The following COL11A1 variants were observed in gnomAD, a reference collection of about 807,000 sequenced individuals.
COL11A1 encodes collagen alpha-1(XI) chain.
COL11A1 carries 74 observed loss-of-function variants against 265.2 expected under a neutral mutation model. The ratio of observed to expected loss-of-function variants is 0.28; its 90% CI spans 0.23 to 0.34. The LOEUF is 0.34. COL11A1 is among the 10% of genes least tolerant of loss of function. COL11A1 has a pLI of 1.00. For missense variants in COL11A1, 2,165 were observed against 2,263.6 expected, an observed-to-expected ratio of 0.96 and a Z score of 0.88; for synonymous variants, 816 against 727.6, an observed-to-expected ratio of 1.12 and a Z score of -1.96.
At chr1:102,981,005 T>C (rs945691808) in intron 31 of COL11A1, among the ~76,000 whole-genome samples, 2 of 152,144 alleles carry the variant, frequency 1.3e-5, no homozygotes, top group Non-Finnish European at 2.9e-5. Flanking sequence ...TACACACTTA[T>C]CAGGAAGGTA....
At chr1:103,037,273 T>C (rs1452833544) in intron 4 of COL11A1, among the ~76,000 whole-genome samples, 2 of 151,620 alleles carry the variant, frequency 1.3e-5, no homozygotes, top group African/African-American at 4.8e-5. Context: ...TGTGTGTGTG[T>C]GTGTGTGTGT....
At chr1:102,941,224 T>C (rs1658687041) in intron 42 of COL11A1, among the ~76,000 whole-genome samples, 1 of 152,122 alleles carries the variant, frequency 6.6e-6, no homozygotes, top group Non-Finnish European at 1.5e-5. Context: ...ACATTTTATC[T>C]CCTAATTATC....
chr1:102,974,830 A>G lies in COL11A1; in HGVS notation c.2808T>C (p.Pro936=). ...GAGAAAGAGAAGCTCTGACACTTAC[A>G]GGAGGGCCTTTTGGTCCAGGGAATC... ...PVGFPGPKGP[P]GPPGKDGLPG... is the part of the protein sequence containing the mutation. The change falls in exon 36 of 67, where the codon CCT becomes CCC. Residue 936 remains proline (P), a splice_region_variant and synonymous_variant. Coordinates refer to ENST00000370096, the MANE Select transcript of COL11A1 (RefSeq NM_001854.4). The G allele has an allele frequency of 6.2e-7, 1 of 1,612,342 alleles. No homozygotes were observed. The highest frequency in any genetic ancestry group is 1.1e-5 in the South Asian group (1 of 91,050).
chr1:102,914,823 TAAA>T lies in COL11A1; in HGVS notation c.3817-15_3817-13del. ...TCTCCTTTGGGACCCTAAACAATGT[TAAA>T]AAAAAAAAAAGAAGAAGAAGGAAAG... On this transcript the variant is annotated splice_polypyrimidine_tract_variant and intron_variant, in intron 50 of 66. Transcript: ENST00000370096. 5 of 1,268,890 alleles carry T rather than the reference TAAA, an allele frequency of 3.9e-6. No homozygotes were observed. The African/African-American group carries it at 4.4e-5, about 11-fold the overall frequency. The allele number at this position is 1,268,890 out of a possible 1,614,324, so 78.6% of individuals were successfully genotyped here.
intron 44 of COL11A1, among the ~76,000 whole-genome samples, chr1:102,937,075 A>T (rs999875672): frequency 6.6e-6 from 1 of 152,158 alleles, no homozygotes; most frequent in African/African-American, 2.4e-5. Context: ...ATTTGCAAAA[A>T]TATAGCTAGT....
chr1:102,895,447 G>A (rs1652299551), intron 57 of COL11A1, among the ~76,000 whole-genome samples: 1 of 152,090 alleles, frequency 6.6e-6, no homozygotes, highest in South Asian at 2.1e-4. Context: ...CAATACAGTA[G>A]GTAGTTACAG....
intron 1 of COL11A1, among the ~76,000 whole-genome samples, chr1:103,102,390 T>G (rs1674346366): frequency 6.6e-6 from 1 of 152,016 alleles, no homozygotes; most frequent in Admixed American, 6.6e-5. Flanking sequence ...CATTGCAACT[T>G]TTTATAACAT....
intron 30 of COL11A1, among the ~76,000 whole-genome samples, chr1:102,987,023 G>A (rs1052211742): frequency 6.6e-6 from 1 of 152,008 alleles, no homozygotes; most frequent in Non-Finnish European, 1.5e-5. Flanking sequence ...ACCTTAAGTA[G>A]AACCTCTTTC....
intron 46 of COL11A1, among the ~76,000 whole-genome samples, chr1:102,927,151 CA>C (rs1401084540): frequency 5.3e-5 from 8 of 151,716 alleles, no homozygotes; most frequent in African/African-American, 1.9e-4. Flanking sequence ...AATAAAGATA[CA>C]AATTTTTTAT....
chr1:102,973,432 A>G (rs1662166226), intron 36 of COL11A1, among the ~76,000 whole-genome samples: 1 of 152,206 alleles, frequency 6.6e-6, no homozygotes, highest in Non-Finnish European at 1.5e-5. Context: ...AAACAATATT[A>G]CATGAGCCAA....
intron 63 of COL11A1, 32 bp downstream of exon 63, chr1:102,886,775 T>C: frequency 1.2e-6 from 2 of 1,613,702 alleles, no homozygotes. Flanking sequence ...AGGGGCTCGG[T>C]ACATTTGCTT....
chr1:102,914,979 A>C (rs561561964), intron 50 of COL11A1, among the ~76,000 whole-genome samples, 168 bp from the exon 51 acceptor site: 61 of 152,246 alleles, frequency 4.0e-4, no homozygotes, highest in African/African-American at 1.4e-3. Context: ...ATCTCAGCTC[A>C]CTGCAACCTC....
chr1:103,071,151 T>A (rs907132024), intron 4 of COL11A1, among the ~76,000 whole-genome samples: 1 of 152,004 alleles, frequency 6.6e-6, no homozygotes. Context: ...TCATATGTCA[T>A]ATTCTACTCA....
chr1:103,033,444 AC>A (rs1668134990), intron 4 of COL11A1, among the ~76,000 whole-genome samples: 1 of 151,894 alleles, frequency 6.6e-6, no homozygotes, highest in Admixed American at 6.6e-5. Context: ...CTTTATTACA[AC>A]CTTTTTCAAA....
intron 28 of COL11A1, among the ~76,000 whole-genome samples, chr1:102,991,835 T>A (rs367838569): frequency 1.5e-4 from 1 of 6,772 alleles, no homozygotes; most frequent in African/African-American, 1.7e-4. Context: ...ATGCCAGGAA[T>A]TTTTTTTTTT....
At chr1:102,925,680 GC>G (rs1656517349) in intron 46 of COL11A1, among the ~76,000 whole-genome samples, 1 of 151,936 alleles carries the variant, frequency 6.6e-6, no homozygotes, top group Non-Finnish European at 1.5e-5. Flanking sequence ...GTAGGTGACT[GC>G]AAAAAATTTT....
At chr1:102,878,754 C>A (rs1388934750) in intron 66 of COL11A1, among the ~76,000 whole-genome samples, 1 of 151,510 alleles carries the variant, frequency 6.6e-6, no homozygotes, top group Non-Finnish European at 1.5e-5. Flanking sequence ...GGTGATCTGC[C>A]CGCCATGGCT....
chr1:103,082,271 C>T (rs1276873378), intron 2 of COL11A1, among the ~76,000 whole-genome samples: 3 of 151,676 alleles, frequency 2.0e-5, no homozygotes, highest in Admixed American at 6.6e-5. Context: ...TAGATAAGAG[C>T]GGCATGAAAA....
intron 42 of COL11A1, among the ~76,000 whole-genome samples, chr1:102,941,159 A>C (rs750839784): frequency 6.6e-6 from 1 of 151,862 alleles, no homozygotes; most frequent in African/African-American, 2.4e-5. Context: ...TCATTACCCC[A>C]CTTTCCCTCA....
Sources: gnomAD v4.1 joint callset for allele counts (sites outside exome capture counted in the v4.1 genomes callset) on GRCh38, gnomAD v4.1.1 for gene constraint, MANE v1.5 for transcripts, NCBI Gene and HGNC (gene_info 2026-07-23, HGNC 2026-07-21) for gene names.